Variants in DNAH7 observed in about 807,000 individuals in gnomAD.
The protein encoded by DNAH7 is dynein axonemal heavy chain 7.
Under a neutral mutation model 444.6 loss-of-function variants are expected in DNAH7, and 397 were observed. The ratio of observed to expected loss-of-function variants is 0.89; its 90% confidence interval spans 0.82 to 0.97. The LOEUF (loss-of-function observed/expected upper bound fraction) is 0.97. Among genes scored for constraint, DNAH7 ranks in the 50% least tolerant of loss-of-function variants. The pLI is 0.00. For synonymous variants in DNAH7, 1,636 were observed against 1,624.4 expected (o/e 1.01, Z -0.17); for missense variants, 4,902 against 4,800.8 (o/e 1.02, Z -0.62).
chr2:195,740,912 C>T, intron 63 of DNAH7, 43 bp from the exon 64 acceptor site: 1 of 1,210,848 alleles, frequency 8.3e-7, no homozygotes, highest in South Asian at 1.9e-5. Flanking sequence ...TTGAAATATG[C>T]ATTTTGATTG....
At chr2:196,037,218 G>A (rs1360943498) in intron 5 of DNAH7, among the ~76,000 whole-genome samples, 3 of 152,002 alleles carry the variant, frequency 2.0e-5, no homozygotes, top group Non-Finnish European at 4.4e-5. Flanking sequence ...ACCCTACCCA[G>A]TTAACATACT....
intron 19 of DNAH7, among the ~76,000 whole-genome samples, chr2:195,948,319 G>T (rs147020481): frequency 0.094 from 14,224 of 152,116 alleles, 727 homozygotes; most frequent in African/African-American, 0.13. Context: ...GTCAATTTTG[G>T]CTTGTGTTGC....
chr2:195,883,324 G>A (rs1325925236), intron 35 of DNAH7, among the ~76,000 whole-genome samples: 1 of 152,092 alleles, frequency 6.6e-6, no homozygotes, highest in Admixed American at 6.5e-5. Context: ...GCGGGTGCCT[G>A]TAGTCCCAGC....
chr2:195,848,863 G>C (rs769265347), intron 46 of DNAH7, among the ~76,000 whole-genome samples: 16 of 152,154 alleles, frequency 1.1e-4, no homozygotes, highest in Non-Finnish European at 1.9e-4. Context: ...GAAAATGGTT[G>C]GGGTGAGGGC....
chr2:196,001,588 C>T, intron 11 of DNAH7, 87 bp downstream of exon 11: 1 of 1,248,946 alleles, frequency 8.0e-7, no homozygotes, highest in Non-Finnish European at 1.1e-6. Context: ...TCTGCCCTCT[C>T]ACTGATAGAG....
At chr2:195,770,091 G>A (rs2105936634) in intron 61 of DNAH7, among the ~76,000 whole-genome samples, 1 of 152,216 alleles carries the variant, frequency 6.6e-6, no homozygotes, top group African/African-American at 2.4e-5. Context: ...TCAATCTTCA[G>A]CCAGCATAGT....
chr2:196,066,927 T>C (rs765664733), intron 1 of DNAH7, among the ~76,000 whole-genome samples: 1 of 152,182 alleles, frequency 6.6e-6, no homozygotes. Flanking sequence ...TTAGCATAAA[T>C]GAAATTCTCA....
intron 38 of DNAH7, among the ~76,000 whole-genome samples, chr2:195,874,494 G>C (rs1010748742): frequency 6.6e-6 from 1 of 152,092 alleles, no homozygotes; most frequent in Non-Finnish European, 1.5e-5. Flanking sequence ...TGCCTGAAGA[G>C]GCAGGGAAAA....
Position 195,987,180 on chromosome 2 carries a change from C to A in DNAH7, c.1640G>T (p.Gly547Val). 2 of 1,591,966 alleles carry A rather than the reference C, an allele frequency of 1.3e-6. No individual in the cohort carries two copies. The highest frequency in any genetic ancestry group is 1.2e-5 in the South Asian group (1 of 86,474). Residue 547 changes from glycine to valine, a missense_variant, in exon 14 of 65, where the codon GGA (glycine) becomes GTA (valine). By Grantham distance (109) the Gly-to-Val change is moderately radical. Coordinates refer to ENST00000312428, the MANE Select transcript of DNAH7 (RefSeq NM_018897.3). ...TTCCTCACAGTGCATTTCAAACATT[C>A]CTAAACGAATAGTCTGCAAAAGATT... ...QYTSIKTIRL[G>V]MFEMHCEELI...
intron 61 of DNAH7, among the ~76,000 whole-genome samples, chr2:195,757,590 GA>G (rs537299064): frequency 2.2e-4 from 34 of 152,238 alleles, no homozygotes; most frequent in African/African-American, 7.9e-4. Context: ...AGCAGTAAAG[GA>G]ATTTACTTTT....
chr2:196,067,008 T>C lies in DNAH7; in HGVS notation c.15+1689A>G, dbSNP rs149777586. On this transcript the variant is annotated intron_variant, in intron 1 of 64. Coordinates refer to ENST00000312428, the MANE Select transcript of DNAH7 (RefSeq NM_018897.3). ...CCCTCTGCTGTTCAAAAATAGTAAG[T>C]GGAAAATGGAAATCATGTCCATTCT... 9.3e-4 allele frequency among the ~76,000 whole-genome samples: 141 copies of C among 152,296 alleles called. 1 individual carries two copies. The East Asian group carries it at 0.024, about 26-fold the overall frequency.
intron 46 of DNAH7, among the ~76,000 whole-genome samples, chr2:195,846,953 G>GTGTA (rs1451960312): frequency 6.7e-6 from 1 of 149,284 alleles, no homozygotes; most frequent in African/African-American, 2.5e-5. Flanking sequence ...CCATATATGT[G>GTGTA]TGTGTGTGTG....
At chr2:195,840,216 C>T (rs903833291) in intron 47 of DNAH7, among the ~76,000 whole-genome samples, 5 of 151,566 alleles carry the variant, frequency 3.3e-5, no homozygotes, top group East Asian at 3.8e-4. Flanking sequence ...AAAAATCAAT[C>T]GGTACAATTA....
At chr2:196,008,690 T>C (rs1386765475) in intron 10 of DNAH7, among the ~76,000 whole-genome samples, 3 of 152,142 alleles carry the variant, frequency 2.0e-5, no homozygotes, top group Non-Finnish European at 2.9e-5. Flanking sequence ...TAAATGACCA[T>C]ATATTCACTG....
At chr2:195,885,342 A>G (rs1701644016) in intron 34 of DNAH7, among the ~76,000 whole-genome samples, 1 of 152,198 alleles carries the variant, frequency 6.6e-6, no homozygotes, top group Non-Finnish European at 1.5e-5. Flanking sequence ...AACAGAGTAG[A>G]AGACAAGACC....
intron 63 of DNAH7, among the ~76,000 whole-genome samples, chr2:195,750,572 A>G (rs1284074232): frequency 1.3e-5 from 2 of 152,222 alleles, no homozygotes; most frequent in East Asian, 1.9e-4. Context: ...ACTTCTACCA[A>G]AATACTCAGT....
intron 7 of DNAH7, among the ~76,000 whole-genome samples, chr2:196,024,741 C>T (rs1309866154): frequency 6.6e-6 from 1 of 151,938 alleles, no homozygotes; most frequent in Non-Finnish European, 1.5e-5. Context: ...TGTGTCCCTC[C>T]TCTTTCATTT....
At chr2:195,931,976 T>C (rs1688729436) in intron 21 of DNAH7, among the ~76,000 whole-genome samples, 1 of 152,236 alleles carries the variant, frequency 6.6e-6, no homozygotes, top group South Asian at 2.1e-4. Context: ...ATTGGTACTT[T>C]GATGGGGATG....
chr2:195,742,484 T>C (rs1441722520), intron 63 of DNAH7, among the ~76,000 whole-genome samples: 2 of 152,184 alleles, frequency 1.3e-5, no homozygotes, highest in African/African-American at 2.4e-5. Context: ...AAAGTGGTGA[T>C]AGGGATAAAC....
Sources: gnomAD v4.1 joint callset for allele counts (sites outside exome capture counted in the v4.1 genomes callset) on GRCh38, gnomAD v4.1.1 for gene constraint, MANE v1.5 for transcripts, NCBI Gene and HGNC (gene_info 2026-07-23, HGNC 2026-07-21) for gene names.